Variants in PADI1 observed in about 807,000 individuals in gnomAD.
PADI1 encodes peptidyl arginine deiminase 1.
A neutral mutation model predicts 74.8 loss-of-function variants in PADI1; 65 were observed. That is an observed-to-expected ratio of 0.87 (90% confidence interval 0.71 to 1.07). The LOEUF (loss-of-function observed/expected upper bound fraction) is 1.07, where lower values mean the gene tolerates loss of function less well. PADI1 is among the 50% of genes least tolerant of loss of function. PADI1 has a pLI of 0.00. For missense variants in PADI1, 943 were observed against 854.0 expected (o/e 1.10, Z -1.30); for synonymous variants, 371 against 336.2 (o/e 1.10, Z -1.13).
At chr1:17,220,015 C>T (rs1234525325) in intron 1 of PADI1, among the ~76,000 whole-genome samples, 1 of 151,858 alleles carries the variant, frequency 6.6e-6, no homozygotes, top group African/African-American at 2.4e-5. Context: ...GGATGATAGT[C>T]CAGGAGACTT....
intron 10 of PADI1, among the ~76,000 whole-genome samples, chr1:17,231,922 TC>T (rs1303625914): frequency 1.4e-5 from 2 of 147,430 alleles, no homozygotes; most frequent in African/African-American, 5.1e-5. Context: ...CCTTTTCTCT[TC>T]CTAAAAAAAA....
In PADI1 at chr1:17,239,726, A is replaced by C; in HGVS notation, c.1575A>C (p.Arg525Ser). ...QFDGLKHQAK[R>S]SINEMLADRH... is the part of the protein sequence containing the mutation. ...CAGGGTTAAAACACCAGGCAAAAAG[A>C]AGCATTAATGAGATGCTGGCAGACA... The change falls in exon 14 of 16, where the codon AGA (arginine) becomes AGC (serine). Residue 525 changes from arginine to serine, a missense_variant. Arg to Ser is a moderately radical substitution (Grantham distance 110, BLOSUM62 -1). Coordinates refer to ENST00000375471, the MANE Select transcript of PADI1 (RefSeq NM_013358.3). 1 of 1,614,064 alleles carries C rather than the reference A, an allele frequency of 6.2e-7. No individual in the cohort carries two copies. The highest frequency in any genetic ancestry group is 8.5e-7 in the Non-Finnish European group (1 of 1,179,894).
chr1:17,243,053 G>A (rs376952552), intron 15 of PADI1, among the ~76,000 whole-genome samples: 8 of 152,220 alleles, frequency 5.3e-5, no homozygotes, highest in African/African-American at 1.9e-4. Flanking sequence ...AGCACGGAGA[G>A]TTTGAGGGCA....
chr1:17,229,003 G>C lies in PADI1; in HGVS notation c.881G>C (p.Trp294Ser), dbSNP rs1442355196. 2 of 1,594,026 alleles carry C rather than the reference G, an allele frequency of 1.3e-6. No individual in the cohort carries two copies. The highest frequency in any genetic ancestry group is 3.5e-5 in the Admixed American group (2 of 57,016). The change falls in exon 8 of 16, where the codon TGG becomes TCG. Residue 294 changes from tryptophan to serine, a missense_variant. Physicochemically the swap from Trp to Ser is radical, Grantham distance 177 (BLOSUM62 -3). Coordinates refer to ENST00000375471, the MANE Select transcript of PADI1 (RefSeq NM_013358.3). ...TDTVGFRMAP[W>S]IMTPNTQPPE... Reference sequence around the variant, plus strand: ...ACTGTGGGCTTCCGCATGGCCCCCTGGATCATGACGCCCAACACTCAGCCT... The same window carrying C: ...ACTGTGGGCTTCCGCATGGCCCCCTCGATCATGACGCCCAACACTCAGCCT...
Position 17,205,203 on chromosome 1 carries a change from G to C in PADI1, c.-15G>C, listed in dbSNP as rs1004013312. The C allele has an allele frequency of 2.5e-6, 4 of 1,611,666 alleles. No homozygotes were observed. The highest frequency in any genetic ancestry group is 3.4e-6 in the Non-Finnish European group (4 of 1,178,038). On this transcript the variant is annotated 5_prime_UTR_variant, in exon 1 of 16. Transcript: ENST00000375471. ...AGCCAGGGCTGATCTAGGAGGCTGGGAGCCAGGTGACAGGATGGCCCCAAA... is the reference window on the plus strand; with the variant it reads ...AGCCAGGGCTGATCTAGGAGGCTGGCAGCCAGGTGACAGGATGGCCCCAAA...
chr1:17,232,905 G>A lies in PADI1; in HGVS notation c.1248G>A (p.Pro416=), dbSNP rs200398278. Residue 416 remains proline, a synonymous_variant, in exon 11 of 16, where the codon CCG becomes CCA. Coordinates refer to ENST00000375471, the MANE Select transcript of PADI1 (RefSeq NM_013358.3). The part of the protein sequence containing the change: ...LDSFGNLDVS[P]PVTVGGTEYP... ...CCTTCGGCAACCTGGACGTCAGCCC[G>A]CCCGTCACGGTGGGCGGCACGGAAT... 8.1e-6 allele frequency: 13 copies of A among 1,612,952 alleles called. No homozygotes were observed. The highest frequency in any genetic ancestry group is 1.6e-4 in the Middle Eastern group (1 of 6,062).
chr1:17,217,324 G>A (rs577877378), intron 1 of PADI1, among the ~76,000 whole-genome samples: 53 of 152,214 alleles, frequency 3.5e-4, no homozygotes, highest in African/African-American at 1.2e-3. Context: ...GTGTTGTTTA[G>A]GGTCTCCTAG....
intron 1 of PADI1, among the ~76,000 whole-genome samples, chr1:17,213,487 T>A (rs1039922705): frequency 6.6e-6 from 1 of 152,244 alleles, no homozygotes; most frequent in Non-Finnish European, 1.5e-5. Context: ...GAAGGCTGAC[T>A]TTTGTGTCTC....
chr1:17,222,919 G>A (rs1307157945), intron 2 of PADI1, among the ~76,000 whole-genome samples: 2 of 151,234 alleles, frequency 1.3e-5, no homozygotes, highest in African/African-American at 4.9e-5. Flanking sequence ...CCTGCCCGAA[G>A]CTCAGACGAG....
rs866663022 is a variant in PADI1, at chr1:17,226,157, G to A, written c.651G>A (p.Arg217=). 6.2e-7 allele frequency: 1 copy of A among 1,614,046 alleles called. No individual in the cohort carries two copies. Among genetic ancestry groups the A allele is most frequent in the Middle Eastern group, 1.6e-4 (1 of 6,062 alleles). ...DSKRVRVFCA[R]GGNSLSDYKQ... is the part of the protein sequence containing the mutation. ...AAAGAGTGAGGGTCTTCTGTGCCAG[G>A]GGTGAGTGGCCTGATGGGGCCTTTT... is the stretch of plus-strand genomic sequence containing the variant. The change falls in exon 6 of 16, where the codon AGG becomes AGA. Residue 217 remains arginine, a splice_region_variant and synonymous_variant. Transcript: ENST00000375471.
intron 1 of PADI1, among the ~76,000 whole-genome samples, chr1:17,213,642 G>A (rs1490628226): frequency 6.6e-6 from 1 of 152,234 alleles, no homozygotes; most frequent in Non-Finnish European, 1.5e-5. Flanking sequence ...AGGAGTTGGA[G>A]TGAAGTCTAG....
intron 1 of PADI1, among the ~76,000 whole-genome samples, chr1:17,206,677 CTTTTTCTTTT>C (rs1450149980): frequency 4.9e-4 from 59 of 120,216 alleles, no homozygotes; most frequent in Middle Eastern, 9.2e-3. Context: ...TCTTTTTTTT[CTTTTTCTTTT>C]TTTTTTTTTT....
At chr1:17,216,469 C>T (rs933315558) in intron 1 of PADI1, among the ~76,000 whole-genome samples, 1 of 152,048 alleles carries the variant, frequency 6.6e-6, no homozygotes, top group South Asian at 2.1e-4. Context: ...GAAGGTGGAG[C>T]TGCTATGGAC....
intron 3 of PADI1, 51 bp downstream of exon 3, chr1:17,223,744 G>A (rs373629562): frequency 5.6e-5 from 81 of 1,452,436 alleles, no homozygotes; most frequent in Non-Finnish European, 7.2e-5. Context: ...CCTCCAGGTT[G>A]ACTGTTTGAG....
At chr1:17,235,281 AGGAAGGAAGGAG>A (rs2072610761) in intron 11 of PADI1, among the ~76,000 whole-genome samples, 27 of 134,054 alleles carry the variant, frequency 2.0e-4, no homozygotes, top group South Asian at 4.8e-4. Context: ...GAAGGAAGGA[AGGAAGGAAGGAG>A]GGAAGGAAGG....
chr1:17,222,104 G>T (rs993007369), intron 1 of PADI1, among the ~76,000 whole-genome samples, 186 bp from the exon 2 acceptor site: 4 of 152,192 alleles, frequency 2.6e-5, no homozygotes, highest in Non-Finnish European at 5.9e-5. Context: ...GTGTCCAAGG[G>T]TTTACCATCT....
chr1:17,234,313 C>T (rs1049400304), intron 11 of PADI1, among the ~76,000 whole-genome samples: 4 of 152,226 alleles, frequency 2.6e-5, no homozygotes, highest in African/African-American at 9.6e-5. Context: ...GTACTCCATG[C>T]CTCAGTTTCC....
chr1:17,227,365 T>C (rs950242681), intron 6 of PADI1, among the ~76,000 whole-genome samples: 1 of 151,188 alleles, frequency 6.6e-6, no homozygotes, highest in Non-Finnish European at 1.5e-5. Flanking sequence ...CTGGGCAACA[T>C]GGCAAAACCT....
chr1:17,208,151 C>CA (rs2071730031), intron 1 of PADI1, among the ~76,000 whole-genome samples: 1 of 152,194 alleles, frequency 6.6e-6, no homozygotes, highest in Admixed American at 6.5e-5. Context: ...GGGAAGCCCC[C>CA]AGAAGAGGAG....
Sources: allele counts gnomAD v4.1 joint callset (sites outside exome capture counted in the v4.1 genomes callset), GRCh38; gene constraint gnomAD v4.1.1; transcripts MANE v1.5; gene names NCBI Gene and HGNC (gene_info 2026-07-23, HGNC 2026-07-21).